PRKG1: variants seen among roughly 807,000 people sequenced by gnomAD.
PRKG1 encodes cGMP-dependent protein kinase 1.
In PRKG1, 35 loss-of-function variants were observed where a neutral mutation model predicts 88.1. That is an observed-to-expected ratio of 0.40 (90% CI 0.30 to 0.53). The LOEUF (loss-of-function observed/expected upper bound fraction) is 0.53. Among genes scored for constraint, PRKG1 ranks in the 20% least tolerant of loss-of-function variants. The pLI is 0.59. For synonymous variants in PRKG1, 303 were observed against 292.5 expected (o/e 1.04, Z -0.37); for missense variants, 540 against 839.8 (o/e 0.64, Z 4.41).
intron 2 of PRKG1, among the ~76,000 whole-genome samples, chr10:51,298,438 A>C (rs1456718505): frequency 6.6e-6 from 1 of 152,180 alleles, no homozygotes; most frequent in African/African-American, 2.4e-5. Context: ...CAGTCTTTCC[A>C]TACTCCAGGT....
At chr10:52,143,332 G>T (rs1368823505) in intron 8 of PRKG1, among the ~76,000 whole-genome samples, 1 of 152,092 alleles carries the variant, frequency 6.6e-6, no homozygotes, top group South Asian at 2.1e-4. Flanking sequence ...TGTGTTGCGG[G>T]GGCGGGGCTG....
At chr10:51,943,042 G>A (rs1589441207) in intron 5 of PRKG1, among the ~76,000 whole-genome samples, 1 of 151,958 alleles carries the variant, frequency 6.6e-6, no homozygotes, top group East Asian at 1.9e-4. Context: ...ATTACCTTGG[G>A]CAGTATGGCC....
rs150199339 is a variant in PRKG1 at position 52,030,427 on chromosome 10, C to T, written c.763-24057C>T. ...TTAAAACTGTCTGACTCCACTTATG[C>T]GTCTCCTCTGGACTGTAAGCTCATA... is the stretch of plus-strand genomic sequence containing the variant. On this transcript the variant is annotated intron_variant, in intron 5 of 17. Transcript: ENST00000373980. Among the ~76,000 whole-genome samples the T allele has an allele frequency of 1.4e-3, 213 of 152,304 alleles. 1 individual carries two copies. The highest frequency in any genetic ancestry group is 4.7e-3 in the African/African-American group (195 of 41,568).
At chr10:51,256,469 G>A (rs1164547761) in intron 2 of PRKG1, among the ~76,000 whole-genome samples, 1 of 152,076 alleles carries the variant, frequency 6.6e-6, no homozygotes, top group Non-Finnish European at 1.5e-5. Flanking sequence ...TGGTAGAAAG[G>A]CTACATAAAG....
intron 3 of PRKG1, among the ~76,000 whole-genome samples, chr10:51,711,340 G>A (rs1479180953): frequency 4.6e-5 from 7 of 151,446 alleles, no homozygotes; most frequent in Non-Finnish European, 7.4e-5. Flanking sequence ...TCATGACCTC[G>A]TGATCGACCC....
chr10:51,277,939 CT>C (rs1840173039), intron 2 of PRKG1, among the ~76,000 whole-genome samples: 2 of 152,220 alleles, frequency 1.3e-5, no homozygotes, highest in Admixed American at 1.3e-4. Context: ...ATTGAATACC[CT>C]TTCTTTCTTT....
intron 1 of PRKG1, among the ~76,000 whole-genome samples, chr10:50,998,576 C>T (rs1281249131): frequency 6.6e-6 from 1 of 152,062 alleles, no homozygotes; most frequent in Non-Finnish European, 1.5e-5. Context: ...GGTGAAACAC[C>T]GTCTCTACTA....
At chr10:51,674,250 A>G (rs915713544) in intron 3 of PRKG1, among the ~76,000 whole-genome samples, 6 of 152,056 alleles carry the variant, frequency 3.9e-5, no homozygotes, top group African/African-American at 1.4e-4. Flanking sequence ...TACATGTGCC[A>G]TGGTGGTTTG....
At chr10:51,410,968 T>C (rs1353930958) in intron 2 of PRKG1, among the ~76,000 whole-genome samples, 1 of 152,090 alleles carries the variant, frequency 6.6e-6, no homozygotes, top group Non-Finnish European at 1.5e-5. Context: ...ATTTTCAGCT[T>C]TTAAAAGTAG....
intron 5 of PRKG1, among the ~76,000 whole-genome samples, chr10:51,916,635 T>C (rs1030295758): frequency 6.6e-6 from 1 of 152,214 alleles, no homozygotes; most frequent in Non-Finnish European, 1.5e-5. Context: ...GACCCCTTTC[T>C]TGTAACTGTA....
intron 3 of PRKG1, among the ~76,000 whole-genome samples, chr10:51,700,928 CAAAT>C (rs1357223235): frequency 1.3e-5 from 2 of 152,014 alleles, no homozygotes; most frequent in African/African-American, 2.4e-5. Context: ...AAAATAAAAA[CAAAT>C]AAAAAGAAAG....
At chr10:51,076,137 C>T (rs551668260) in intron 1 of PRKG1, among the ~76,000 whole-genome samples, 6 of 152,066 alleles carry the variant, frequency 3.9e-5, no homozygotes, top group Non-Finnish European at 8.8e-5. Context: ...CAGCATGTAC[C>T]AATTACTACT....
chr10:52,173,610 A>C (rs1196845790), intron 9 of PRKG1, among the ~76,000 whole-genome samples: 1 of 152,184 alleles, frequency 6.6e-6, no homozygotes, highest in Non-Finnish European at 1.5e-5. Flanking sequence ...GCTCAGAGAC[A>C]TTTACATGTA....
At chr10:51,048,000 C>G (rs1242289640) in intron 1 of PRKG1, among the ~76,000 whole-genome samples, 1 of 152,126 alleles carries the variant, frequency 6.6e-6, no homozygotes, top group Non-Finnish European at 1.5e-5. Context: ...AGAGAGTTCT[C>G]TAGAGCCTGA....
At chr10:51,162,746 G>A (rs1174041509) in intron 2 of PRKG1, among the ~76,000 whole-genome samples, 2 of 151,928 alleles carry the variant, frequency 1.3e-5, no homozygotes, top group South Asian at 4.2e-4. Flanking sequence ...TTTGAGACAG[G>A]ATCTCACTCT....
intron 3 of PRKG1, among the ~76,000 whole-genome samples, chr10:51,605,659 T>G (rs1838745257): frequency 6.6e-6 from 1 of 152,148 alleles, no homozygotes; most frequent in African/African-American, 2.4e-5. Context: ...CTTTAGAAAG[T>G]AGAATGACAA....
rs1272113389 is a variant in PRKG1, at chr10:52,294,514, AT to A, written c.*616del. The A allele has an allele frequency of 2.6e-5, 4 of 152,742 alleles. No individual in the cohort carries two copies. The highest frequency in any genetic ancestry group is 7.2e-5 in the African/African-American group (3 of 41,590). The allele number at this position is 152,742 out of a possible 1,614,324, so 9.5% of individuals were successfully genotyped here. A position where few individuals can be genotyped will look rare whatever the true frequency, so the allele number is the denominator to read the frequency against. ...CTTTTCTTTCTGACAGATTTTAAAA[AT>A]TGATATGATAAAAGCACAACTGCTA... On this transcript the variant is annotated 3_prime_UTR_variant, in exon 18 of 18. Transcript: ENST00000373980.
In PRKG1 at chr10:51,460,107, C is replaced by G. The variant is rs115527630; in HGVS notation, c.479-7616C>G. On this transcript the variant is annotated intron_variant, in intron 2 of 17. Coordinates refer to ENST00000373980, the MANE Select transcript of PRKG1 (RefSeq NM_006258.4). ...TATCTTCTGCATTATAACTGCAGCC[C>G]TAGCCTCAACCCACTAAATGCCAGA... 1.2e-3 allele frequency among the ~76,000 whole-genome samples: 180 copies of G among 152,178 alleles called. 1 individual carries two copies. The highest frequency in any genetic ancestry group is 4.1e-3 in the African/African-American group (172 of 41,552).
intron 9 of PRKG1, among the ~76,000 whole-genome samples, chr10:52,217,504 A>G (rs895603541): frequency 2.0e-5 from 3 of 152,108 alleles, no homozygotes; most frequent in Non-Finnish European, 4.4e-5. Context: ...CCGTCAAACA[A>G]TATTTTCACC....
Sources: gnomAD v4.1 joint callset for allele counts (sites outside exome capture counted in the v4.1 genomes callset) on GRCh38, gnomAD v4.1.1 for gene constraint, MANE v1.5 for transcripts, NCBI Gene and HGNC (gene_info 2026-07-23, HGNC 2026-07-21) for gene names.